RHOH: variants seen among roughly 807,000 people sequenced by gnomAD.
The protein encoded by RHOH is rho-related GTP-binding protein RhoH.
RHOH carries 6 observed loss-of-function variants against 13.8 expected under a neutral mutation model. The observed-to-expected ratio is 0.44, with a 90% CI of 0.24 to 0.86. The LOEUF is 0.86. Among genes scored for constraint, RHOH ranks in the 40% least tolerant of loss-of-function variants. The probability of loss-of-function intolerance (pLI) is 0.24; values close to 1 mark genes in which losing one functional copy is unlikely to be tolerated. For synonymous variants in RHOH, 117 were observed against 103.0 expected (o/e 1.14, Z -0.82); for missense variants, 147 against 244.5 (o/e 0.60, Z 2.66).
chr4:40,206,585 T>G (rs1724665617), intron 1 of RHOH, among the ~76,000 whole-genome samples: 1 of 43,288 alleles, frequency 2.3e-5, no homozygotes, highest in Non-Finnish European at 6.6e-5. Context: ...GGCAGTAACT[T>G]GCTGAAAATT....
At chr4:40,227,877 C>A (rs940121259) in intron 1 of RHOH, among the ~76,000 whole-genome samples, 2 of 152,080 alleles carry the variant, frequency 1.3e-5, no homozygotes, top group Admixed American at 6.6e-5. Context: ...GTCAAACTTG[C>A]AAATATTATA....
At position 40,245,208 on chromosome 4, in the gene RHOH, T is replaced by A. The variant is rs1729687563; in HGVS notation, c.*1246T>A. 1 of 152,156 alleles carries A rather than the reference T, an allele frequency of 6.6e-6. No homozygotes were observed. Among genetic ancestry groups the A allele is most frequent in the Non-Finnish European group, 1.5e-5 (1 of 68,032 alleles). 9.4% of individuals were successfully genotyped at this position (152,156 alleles called of 1,614,324 possible). On this transcript the variant is annotated 3_prime_UTR_variant, in exon 3 of 3. Coordinates refer to ENST00000381799, the MANE Select transcript of RHOH (RefSeq NM_004310.5). The stretch of plus-strand genomic sequence containing the variant: ...AATAGTTTAAAAGCAATGGTGTTGC[T>A]CATCTGTTAAAGTGGAGAACAGAGG...
intron 1 of RHOH, among the ~76,000 whole-genome samples, chr4:40,211,512 G>C (rs1725268558): frequency 6.6e-6 from 1 of 152,110 alleles, no homozygotes; most frequent in Admixed American, 6.5e-5. Context: ...GGCCTCAAGT[G>C]ATCCGCCTGC....
chr4:40,211,443 G>A (rs1446268107), intron 1 of RHOH, among the ~76,000 whole-genome samples: 1 of 151,828 alleles, frequency 6.6e-6, no homozygotes, highest in Admixed American at 6.6e-5. Context: ...TTTTTTTGTT[G>A]TTGTATTTTT....
rs1197370152 is a variant in RHOH at position 40,244,603 on chromosome 4, T to G, written c.*641T>G. On this transcript the variant is annotated 3_prime_UTR_variant, in exon 3 of 3. Coordinates refer to ENST00000381799, the MANE Select transcript of RHOH (RefSeq NM_004310.5). ...CATAAGATATCCTAATACTGCCTAA[T>G]GATTTTAAAGTTATCACTATATTTT... 1.0e-5 allele frequency: 2 copies of G among 199,488 alleles called. No individual in the cohort carries two copies. The highest frequency in any genetic ancestry group is 2.3e-5 in the Non-Finnish European group (2 of 88,100). 12.4% of individuals were successfully genotyped at this position (199,488 alleles called of 1,614,324 possible).
At chr4:40,214,174 C>T (rs1449790581) in intron 1 of RHOH, among the ~76,000 whole-genome samples, 2 of 152,128 alleles carry the variant, frequency 1.3e-5, no homozygotes, top group Admixed American at 6.5e-5. Flanking sequence ...GATGGTGGTA[C>T]GGGTGGCACT....
At chr4:40,204,742 G>A (rs148373965) in intron 1 of RHOH, among the ~76,000 whole-genome samples, 1 of 152,296 alleles carries the variant, frequency 6.6e-6, no homozygotes, top group Non-Finnish European at 1.5e-5. Flanking sequence ...TGAAATGAGG[G>A]TAAGATGGCG....
chr4:40,211,850 TG>T (rs1231664204), intron 1 of RHOH, among the ~76,000 whole-genome samples: 1 of 152,234 alleles, frequency 6.6e-6, no homozygotes, highest in Non-Finnish European at 1.5e-5. Context: ...GTGCCTAAGC[TG>T]CTTCAGTTGT....
chr4:40,194,671 C>T (rs575202818), upstream of RHOH, among the ~76,000 whole-genome samples: 2 of 152,306 alleles, frequency 1.3e-5, no homozygotes, highest in Admixed American at 6.5e-5. Context: ...CCACTGCGCC[C>T]GGCCCATGAA....
Position 40,244,261 on chromosome 4 carries a change from A to C in RHOH, c.*299A>C. 3.2e-6 allele frequency: 1 copy of C among 314,410 alleles called. No individual in the cohort carries two copies. The highest frequency in any genetic ancestry group is 5.0e-5 in the East Asian group (1 of 19,836). The allele number at this position is 314,410 out of a possible 1,614,324, so 19.5% of individuals were successfully genotyped here. A position where few individuals can be genotyped will look rare whatever the true frequency, so the allele number is the denominator to read the frequency against. On this transcript the variant is annotated 3_prime_UTR_variant, in exon 3 of 3. Transcript: ENST00000381799. ...TTTTGGACGATGAAGTGAGTTTTTC[A>C]AAGAATTCCATATTTAAAGACACAT... is the stretch of plus-strand genomic sequence containing the variant.
intron 1 of RHOH, among the ~76,000 whole-genome samples, chr4:40,225,137 A>T (rs1223589753): frequency 6.6e-6 from 1 of 152,156 alleles, no homozygotes; most frequent in East Asian, 1.9e-4. Context: ...TTGTTTTCAG[A>T]CAGTCTCACT....
intron 1 of RHOH, among the ~76,000 whole-genome samples, chr4:40,229,632 C>T (rs1727663013): frequency 7.4e-6 from 1 of 134,508 alleles, no homozygotes; most frequent in African/African-American, 2.9e-5. Context: ...GAAACGCCAT[C>T]TCAAAAAAAA....
chr4:40,201,074 G>C (rs1235977960), intron 1 of RHOH, among the ~76,000 whole-genome samples: 1 of 152,142 alleles, frequency 6.6e-6, no homozygotes, highest in East Asian at 1.9e-4. Context: ...AGAAGATACG[G>C]TTCTCATCAC....
intron 1 of RHOH, among the ~76,000 whole-genome samples, chr4:40,207,610 T>C (rs955076880): frequency 1.3e-5 from 2 of 152,202 alleles, no homozygotes; most frequent in Non-Finnish European, 2.9e-5. Context: ...CACACACATA[T>C]ATGGAAGGAA....
rs1445883607 is a variant in RHOH, at chr4:40,245,550, A to AAG, written c.*1589_*1590insGA. 1 of 147,472 alleles carries AAG rather than the reference A, an allele frequency of 6.8e-6. No individual in the cohort carries two copies. The highest frequency in any genetic ancestry group is 2.5e-5 in the African/African-American group (1 of 39,482). 9.1% of individuals were successfully genotyped at this position (147,472 alleles called of 1,614,324 possible). ...GGAGACTCCATCTCAAAAAAAAAAA[A>AAG]AAGAAAAGAAAAAAAAGAAAGAAAT... On this transcript the variant is annotated 3_prime_UTR_variant, in exon 3 of 3. Transcript: ENST00000381799.
At chr4:40,192,401 T>C (rs1722740565), upstream of RHOH, among the ~76,000 whole-genome samples, 1 of 152,226 alleles carries the variant, frequency 6.6e-6, no homozygotes, top group Non-Finnish European at 1.5e-5. Flanking sequence ...AAAGGCATCT[T>C]ACTAACCCAG....
chr4:40,201,189 T>C (rs538922487), intron 1 of RHOH, among the ~76,000 whole-genome samples: 1 of 152,146 alleles, frequency 6.6e-6, no homozygotes, highest in South Asian at 2.1e-4. Context: ...CACGGTAAAA[T>C]GAATGTTTGA....
rs577346111 is a variant in RHOH at position 40,224,288 on chromosome 4, C to T, written c.-330-18426C>T. On this transcript the variant is annotated intron_variant, in intron 1 of 2. Transcript: ENST00000381799. The stretch of plus-strand genomic sequence containing the variant: ...GGATATGGCATAATTAATTTAACCC[C>T]TGCGTCTTAATGGACCTTTCAGATC... Among the ~76,000 whole-genome samples the T allele has an allele frequency of 7.0e-4, 107 of 152,310 alleles. 1 individual carries two copies. The highest frequency in any genetic ancestry group is 2.5e-3 in the African/African-American group (105 of 41,582).
chr4:40,227,877 C>T (rs940121259), intron 1 of RHOH, among the ~76,000 whole-genome samples: 1 of 152,080 alleles, frequency 6.6e-6, no homozygotes, highest in Non-Finnish European at 1.5e-5. Context: ...GTCAAACTTG[C>T]AAATATTATA....
Sources: gnomAD v4.1 joint callset for allele counts (sites outside exome capture counted in the v4.1 genomes callset) on GRCh38, gnomAD v4.1.1 for gene constraint, MANE v1.5 for transcripts, NCBI Gene and HGNC (gene_info 2026-07-23, HGNC 2026-07-21) for gene names.